Variants in PAM observed in about 807,000 individuals in gnomAD.
The protein encoded by PAM is peptidylglycine alpha-amidating monooxygenase.
PAM carries 72 observed loss-of-function variants against 122.1 expected under a neutral mutation model. The observed-to-expected ratio is 0.59, with a 90% CI of 0.49 to 0.72. The LOEUF is 0.72. PAM is among the 30% of genes least tolerant of loss of function. PAM has a pLI of 0.00. For missense variants in PAM, 1,106 were observed against 1,183.7 expected (o/e 0.93, Z 0.96); for synonymous variants, 389 against 404.4 (o/e 0.96, Z 0.46).
intron 1 of PAM, among the ~76,000 whole-genome samples, chr5:102,859,163 A>C (rs923510056): frequency 6.6e-6 from 1 of 152,212 alleles, no homozygotes; most frequent in Admixed American, 6.5e-5. Flanking sequence ...TACAAAAAAA[A>C]TGTTAACTGT....
At chr5:103,011,066 A>T (rs1021593616) in intron 21 of PAM, among the ~76,000 whole-genome samples, 1 of 152,072 alleles carries the variant, frequency 6.6e-6, no homozygotes, top group Non-Finnish European at 1.5e-5. Context: ...GTTATAACTT[A>T]CTGGGTGACA....
intron 9 of PAM, among the ~76,000 whole-genome samples, chr5:102,949,181 T>C (rs1342356930): frequency 1.3e-5 from 2 of 152,122 alleles, no homozygotes; most frequent in Non-Finnish European, 2.9e-5. Flanking sequence ...GGTGTCTGCA[T>C]TCAATTTTTC....
intron 3 of PAM, among the ~76,000 whole-genome samples, chr5:102,890,931 A>G (rs1419328561): frequency 1.3e-5 from 2 of 151,882 alleles, no homozygotes; most frequent in Non-Finnish European, 2.9e-5. Flanking sequence ...ATCCACTGGG[A>G]GTTTAGAAGA....
rs71226933 is a variant in PAM at position 102,842,205 on chromosome 5, A to AATATAT, written c.-373-23601_-373-23596dup. On this transcript the variant is annotated intron_variant, in intron 1 of 25. Coordinates refer to ENST00000438793, the MANE Select transcript of PAM (RefSeq NM_001177306.2). ...TTTAACTTTACAAAAATACAACCTA[A>AATATAT]ATATATATATATATATATATATCTC... is the stretch of plus-strand genomic sequence containing the variant. Among the ~76,000 whole-genome samples, 1,276 of 143,030 alleles carry AATATAT rather than the reference A, an allele frequency of 8.9e-3. 19 individuals are homozygous for AATATAT. Among genetic ancestry groups the AATATAT allele is most frequent in the African/African-American group, 0.024 (902 of 38,326 alleles). 93.8% of individuals were successfully genotyped at this position (143,030 alleles called of 152,430 possible).
At chr5:102,877,355 G>A (rs184681184) in intron 3 of PAM, among the ~76,000 whole-genome samples, 5 of 152,294 alleles carry the variant, frequency 3.3e-5, no homozygotes, top group Admixed American at 3.3e-4. Context: ...GAATTACAGA[G>A]GATCAACCTG....
At chr5:103,011,251 C>T (rs1345461090) in intron 21 of PAM, among the ~76,000 whole-genome samples, 1 of 152,136 alleles carries the variant, frequency 6.6e-6, no homozygotes, top group Non-Finnish European at 1.5e-5. Context: ...CAAGTAAAAC[C>T]TGCAAAATAA....
chr5:103,016,882 G>A (rs1782173348), intron 21 of PAM, among the ~76,000 whole-genome samples: 1 of 152,132 alleles, frequency 6.6e-6, no homozygotes, highest in Non-Finnish European at 1.5e-5. Context: ...GGTAGCACAT[G>A]ATAGCTTGAT....
chr5:102,831,893 T>C (rs77611952), intron 1 of PAM, among the ~76,000 whole-genome samples: 3 of 135,424 alleles, frequency 2.2e-5, no homozygotes, highest in South Asian at 5.0e-4. Flanking sequence ...TCTCTCTCTC[T>C]CCCCCGCCCG....
intron 1 of PAM, among the ~76,000 whole-genome samples, chr5:102,835,100 GTAATAA>G (rs969153745): frequency 1.3e-5 from 2 of 151,894 alleles, no homozygotes; most frequent in African/African-American, 4.8e-5. Flanking sequence ...GTCATTACTG[GTAATAA>G]TAATAATAAT....
At chr5:102,839,745 T>C (rs1778087098) in intron 1 of PAM, among the ~76,000 whole-genome samples, 1 of 152,134 alleles carries the variant, frequency 6.6e-6, no homozygotes, top group African/African-American at 2.4e-5. Flanking sequence ...AGAAAATCTA[T>C]TAAGGTAATT....
At chr5:102,929,847 T>C (rs996973676) in intron 7 of PAM, among the ~76,000 whole-genome samples, 1 of 150,864 alleles carries the variant, frequency 6.6e-6, no homozygotes, top group Non-Finnish European at 1.5e-5. Flanking sequence ...TCTTAAAACA[T>C]TATGAGATGT....
chr5:102,871,199 G>T (rs1237068818), intron 3 of PAM, among the ~76,000 whole-genome samples: 1 of 152,052 alleles, frequency 6.6e-6, no homozygotes, highest in Non-Finnish European at 1.5e-5. Context: ...TCTGTAGAAA[G>T]GATAATAATA....
intron 1 of PAM, among the ~76,000 whole-genome samples, chr5:102,793,077 T>TA (rs1049099955): frequency 4.6e-5 from 7 of 152,224 alleles, no homozygotes; most frequent in African/African-American, 1.7e-4. Context: ...GTTTTACTCA[T>TA]ACTTTTTCCT....
intron 5 of PAM, among the ~76,000 whole-genome samples, chr5:102,923,969 T>G (rs1748386017): frequency 6.6e-6 from 1 of 152,194 alleles, no homozygotes; most frequent in African/African-American, 2.4e-5. Flanking sequence ...ATTTACAGAA[T>G]AACTCTGTGA....
At position 102,990,282 on chromosome 5, in the gene PAM, G is replaced by A; in HGVS notation, c.1494G>A (p.Met498Ile). ...WEPEHTGDFH[M>I]EEALDWPGVY... ...GGATATATCTTTTAGATTTCCACAT[G>A]GAAGAGGCACTGGATTGGCCTGGAG... Residue 498 changes from methionine to isoleucine, a missense_variant, in exon 16 of 26, where the codon ATG (methionine) becomes ATA (isoleucine). Transcript: ENST00000438793. The A allele has an allele frequency of 6.5e-7, 1 of 1,545,884 alleles. No individual in the cohort carries two copies.
chr5:103,023,216 T>G (rs1338714081), intron 23 of PAM, among the ~76,000 whole-genome samples: 2 of 152,104 alleles, frequency 1.3e-5, no homozygotes. Context: ...TTCCATTTAA[T>G]GTTGCCCAAT....
At chr5:102,847,562 A>G (rs1299649846) in intron 1 of PAM, among the ~76,000 whole-genome samples, 1 of 152,218 alleles carries the variant, frequency 6.6e-6, no homozygotes, top group Non-Finnish European at 1.5e-5. Context: ...ATTTGGGAAA[A>G]AAAAATTTAG....
intron 7 of PAM, among the ~76,000 whole-genome samples, chr5:102,937,077 T>C (rs954056035): frequency 3.3e-5 from 5 of 152,174 alleles, no homozygotes; most frequent in African/African-American, 1.2e-4. Context: ...CTTTATTTCA[T>C]TTAGAAATTC....
At chr5:102,763,974 A>G (rs1169136995) in intron 1 of PAM, among the ~76,000 whole-genome samples, 1 of 152,078 alleles carries the variant, frequency 6.6e-6, no homozygotes, top group African/African-American at 2.4e-5. Flanking sequence ...GAAATTGGGT[A>G]GCTCTTGCAT....
Sources: gnomAD v4.1 joint callset for allele counts (sites outside exome capture counted in the v4.1 genomes callset) on GRCh38, gnomAD v4.1.1 for gene constraint, MANE v1.5 for transcripts, NCBI Gene and HGNC (gene_info 2026-07-23, HGNC 2026-07-21) for gene names.